Variants in NTNG2 observed in about 807,000 individuals in gnomAD.
NTNG2 encodes the protein netrin-G2.
Under a neutral mutation model 47.6 loss-of-function variants are expected in NTNG2, and 15 were observed. That is an observed-to-expected ratio of 0.32 (90% CI 0.21 to 0.49). The LOEUF (loss-of-function observed/expected upper bound fraction) is 0.49. Among genes scored for constraint, NTNG2 ranks in the 20% least tolerant of loss-of-function variants. NTNG2 has a pLI of 0.99. For missense variants in NTNG2, 578 were observed against 764.6 expected (o/e 0.76, Z 2.88); for synonymous variants, 307 against 324.6 (o/e 0.95, Z 0.58).
intron 3 of NTNG2, among the ~76,000 whole-genome samples, chr9:132,203,209 G>T (rs1005366412): frequency 6.6e-6 from 1 of 152,100 alleles, no homozygotes; most frequent in Admixed American, 6.5e-5. Context: ...GCATGGTGGT[G>T]TGCGCCTGTA....
chr9:132,181,538 C>A (rs1314766661), intron 2 of NTNG2, among the ~76,000 whole-genome samples: 1 of 152,180 alleles, frequency 6.6e-6, no homozygotes. Flanking sequence ...CCAGGCTGAT[C>A]TCCTGACCTT....
intron 2 of NTNG2, among the ~76,000 whole-genome samples, chr9:132,177,477 T>C (rs1177045955): frequency 6.6e-6 from 1 of 152,258 alleles, no homozygotes; most frequent in Non-Finnish European, 1.5e-5. Flanking sequence ...TTTTTGTATC[T>C]GGTGTAAGGG....
rs1348665111 is a variant in NTNG2, at chr9:132,241,013, C to A, written c.1326C>A (p.Leu442=). ...GAAGPKCDDC[L]PTHYWRQGCY... is the part of the protein sequence containing the mutation. ...CGGGCCCCAAGTGCGACGACTGCCTCCCCACGCACTACTGGCGCCAGGGCT... is the reference window on the plus strand; with the variant it reads ...CGGGCCCCAAGTGCGACGACTGCCTACCCACGCACTACTGGCGCCAGGGCT... The change falls in exon 7 of 8, where the codon CTC becomes CTA. Residue 442 remains leucine (L), a synonymous_variant. Coordinates refer to ENST00000393229, the MANE Select transcript of NTNG2 (RefSeq NM_032536.4). The A allele has an allele frequency of 6.2e-7, 1 of 1,608,130 alleles. No individual in the cohort carries two copies. The highest frequency in any genetic ancestry group is 1.1e-5 in the South Asian group (1 of 90,862).
At chr9:132,171,170 C>T (rs538959171) in intron 2 of NTNG2, among the ~76,000 whole-genome samples, 3 of 152,182 alleles carry the variant, frequency 2.0e-5, no homozygotes, top group Non-Finnish European at 4.4e-5. Flanking sequence ...TACCTCCTGA[C>T]AAGAGCTACA....
At position 132,244,355 on chromosome 9, in the gene NTNG2, A is replaced by G. The variant is rs566632182; in HGVS notation, c.*2244A>G. ...CTGCACTGCTTTTATTTATCTACTT[A>G]TTTTTATAGAGTTGAGGTCTCACTA... On this transcript the variant is annotated 3_prime_UTR_variant, in exon 8 of 8. Coordinates refer to ENST00000393229, the MANE Select transcript of NTNG2 (RefSeq NM_032536.4). 1 of 152,120 alleles carries G rather than the reference A, an allele frequency of 6.6e-6. No homozygotes were observed. Among genetic ancestry groups the G allele is most frequent in the Non-Finnish European group, 1.5e-5 (1 of 68,050 alleles). The allele number at this position is 152,120 out of a possible 1,614,324, so 9.4% of individuals were successfully genotyped here. A position where few individuals can be genotyped will look rare whatever the true frequency, so the allele number is the denominator to read the frequency against.
At chr9:132,214,231 C>T (rs533939964) in intron 3 of NTNG2, among the ~76,000 whole-genome samples, 2 of 152,134 alleles carry the variant, frequency 1.3e-5, no homozygotes, top group Non-Finnish European at 2.9e-5. Context: ...ACTCTCCAAA[C>T]CCCCCGCTCC....
intron 7 of NTNG2, among the ~76,000 whole-genome samples, 158 bp from the exon 8 acceptor site, chr9:132,241,718 T>A (rs1199552353): frequency 6.6e-6 from 1 of 151,884 alleles, no homozygotes; most frequent in African/African-American, 2.4e-5. Flanking sequence ...GCCGTCACCC[T>A]CCGAGGGGGG....
chr9:132,176,184 C>CAA (rs35497672), intron 2 of NTNG2, among the ~76,000 whole-genome samples: 34 of 144,826 alleles, frequency 2.3e-4, no homozygotes, highest in African/African-American at 6.8e-4. Flanking sequence ...CCCCATCTCT[C>CAA]AAAAAAAAAA....
At chr9:132,232,813 G>T (rs10901139) in intron 5 of NTNG2, 1 of 54,018 alleles carries the variant, frequency 1.9e-5, no homozygotes, top group African/African-American at 7.8e-5. Context: ...CTTCCCCCTT[G>T]GGGGGTGGCA....
At position 132,231,507 on chromosome 9, in the gene NTNG2, T is replaced by G. The variant is rs527990686; in HGVS notation, c.1054+912T>G. 1 of 357,864 alleles carries G rather than the reference T, an allele frequency of 2.8e-6. No homozygotes were observed. The highest frequency in any genetic ancestry group is 2.1e-5 in the South Asian group (1 of 48,640). The allele number at this position is 357,864 out of a possible 1,614,324, so 22.2% of individuals were successfully genotyped here. A position where few individuals can be genotyped will look rare whatever the true frequency, so the allele number is the denominator to read the frequency against. ...AGGGGGCCCCTGGCTGGGAAGCCAGTGAGCCGAGAGGGCGCCAGAAAGAAG... is the reference window on the plus strand; with the variant it reads ...AGGGGGCCCCTGGCTGGGAAGCCAGGGAGCCGAGAGGGCGCCAGAAAGAAG... On this transcript the variant is annotated intron_variant, in intron 5 of 7. Transcript: ENST00000393229. This position sits in a 1 kb window ranked among gnomAD's most constrained non-coding sequence, Gnocchi z 4.1.
Position 132,198,193 on chromosome 9 carries a change from G to A in NTNG2, c.441G>A (p.Thr147=), listed in dbSNP as rs998196887. Residue 147 remains threonine (T), a synonymous_variant, in exon 3 of 8, where the codon ACG becomes ACA. Transcript: ENST00000393229. ...TGACCTTCGAGTACGGCCGGCCCAC[G>A]GTCATGGTCCTGGAGAAGTCCCTGG... ...VVMTFEYGRP[T]VMVLEKSLDN... 1 of 1,613,490 alleles carries A rather than the reference G, an allele frequency of 6.2e-7. No homozygotes were observed. The highest frequency in any genetic ancestry group is 8.5e-7 in the Non-Finnish European group (1 of 1,180,038).
At chr9:132,220,039 G>A (rs1196082454) in intron 3 of NTNG2, among the ~76,000 whole-genome samples, 1 of 152,208 alleles carries the variant, frequency 6.6e-6, no homozygotes, top group Non-Finnish European at 1.5e-5. Context: ...ATCCTGGTGA[G>A]TGTGAAGTGG....
At position 132,218,642 on chromosome 9, in the gene NTNG2, G is replaced by A. The variant is rs1313708444; in HGVS notation, c.858-8207G>A. Among the ~76,000 whole-genome samples the A allele has an allele frequency of 2.6e-5, 4 of 152,004 alleles. No homozygotes were observed. Among genetic ancestry groups the A allele is most frequent in the African/African-American group, 7.3e-5 (3 of 41,364 alleles). ...CTCCCGAGTAGCTGGGATTACAGGC[G>A]CATGCCACCACACCCAGCTAATTTT... On this transcript the variant is annotated intron_variant, in intron 3 of 7. Transcript: ENST00000393229. This position sits in a 1 kb window ranked among gnomAD's most constrained non-coding sequence, Gnocchi z 5.4.
intron 2 of NTNG2, among the ~76,000 whole-genome samples, chr9:132,171,325 C>T (rs1242181066): frequency 1.3e-5 from 2 of 152,190 alleles, no homozygotes; most frequent in Non-Finnish European, 2.9e-5. Flanking sequence ...CCCACCTCAC[C>T]GACTTCCTGG....
rs1353503786 is a variant in NTNG2, at chr9:132,162,950, G to T, written c.-484+711G>T. On this transcript the variant is annotated intron_variant, in intron 1 of 7. Transcript: ENST00000393229. This position sits in a 1 kb window ranked among gnomAD's most constrained non-coding sequence, Gnocchi z 4.6. ...GGAAGGCGGGAAGAGAGGACCGCGG[G>T]CTCGCGGGGTCCGCCCGCTCCGGAG... Among the ~76,000 whole-genome samples, 1 of 152,154 alleles carries T rather than the reference G, an allele frequency of 6.6e-6. No individual in the cohort carries two copies.
At chr9:132,199,416 G>T (rs541234425) in intron 3 of NTNG2, among the ~76,000 whole-genome samples, 1 of 152,284 alleles carries the variant, frequency 6.6e-6, no homozygotes, top group African/African-American at 2.4e-5. Flanking sequence ...CACAGGGCTG[G>T]GTCCAGGAGA....
chr9:132,227,071 T>C (rs1470017134), intron 4 of NTNG2, 50 bp downstream of exon 4: 2 of 1,520,476 alleles, frequency 1.3e-6, no homozygotes, highest in Non-Finnish European at 1.8e-6. Context: ...TAATCTTCCC[T>C]GCCCGTCAAT....
chr9:132,220,759 C>T (rs1840301245), intron 3 of NTNG2, among the ~76,000 whole-genome samples: 1 of 152,150 alleles, frequency 6.6e-6, no homozygotes, highest in Non-Finnish European at 1.5e-5. Context: ...CCTACGTTTC[C>T]ATCTGAGAGT....
intron 4 of NTNG2, among the ~76,000 whole-genome samples, chr9:132,229,814 G>A (rs905778535): frequency 1.2e-4 from 18 of 152,350 alleles, no homozygotes; most frequent in African/African-American, 3.6e-4. Flanking sequence ...CGGGAACACC[G>A]TGGGGAAAGC....
Sources: allele counts gnomAD v4.1 joint callset (sites outside exome capture counted in the v4.1 genomes callset), GRCh38; gene constraint gnomAD v4.1.1; non-coding constraint Gnocchi (gnomAD v3.1); transcripts MANE v1.5; gene names NCBI Gene and HGNC (gene_info 2026-07-23, HGNC 2026-07-21).